The following TCF7L2 variants were observed in gnomAD, a reference collection of about 807,000 sequenced individuals.
TCF7L2 encodes the protein transcription factor 7 like 2, also known as transcription factor 7-like 2.
In TCF7L2, 23 loss-of-function variants were observed where a neutral mutation model predicts 77.9. The ratio of observed to expected loss-of-function variants is 0.30; its 90% CI spans 0.21 to 0.42. TCF7L2 has a LOEUF of 0.42. Ranked by LOEUF, TCF7L2 falls within the 10% of genes least tolerant of loss-of-function variation. The pLI, the probability that TCF7L2 is intolerant of heterozygous loss-of-function variation, is 1.00. For missense variants in TCF7L2, 654 were observed against 793.1 expected (o/e 0.82, Z 2.11); for synonymous variants, 413 against 340.2 (o/e 1.21, Z -2.36).
At chr10:112,979,756 A>AAAAAAAAAT (rs144360168) in intron 4 of TCF7L2, among the ~76,000 whole-genome samples, 3 of 141,212 alleles carry the variant, frequency 2.1e-5, no homozygotes, top group Admixed American at 7.2e-5. Context: ...ACCCTGTCTC[A>AAAAAAAAAT]AAAAAAAATA....
rs763222342 is a variant in TCF7L2, at chr10:113,141,320, G to A, written c.685+4G>A. On this transcript the variant is annotated splice_donor_region_variant and intron_variant, in intron 6 of 13. Coordinates refer to ENST00000627217, the MANE Select transcript of TCF7L2 (RefSeq NM_001146274.2). The stretch of plus-strand genomic sequence containing the variant: ...GCCGACGTAGACCCCAAAACAGGTA[G>A]GCTGTGGGCTACGGAGCCAAGGTAG... 2 of 1,614,032 alleles carry A rather than the reference G, an allele frequency of 1.2e-6. No individual in the cohort carries two copies.
chr10:113,071,847 C>T (rs928140809), intron 5 of TCF7L2, among the ~76,000 whole-genome samples: 2 of 152,186 alleles, frequency 1.3e-5, no homozygotes, highest in African/African-American at 4.8e-5. Flanking sequence ...GGAGGACTCC[C>T]CCCCACCCCC....
At chr10:112,989,732 G>A (rs781350988) in intron 4 of TCF7L2, among the ~76,000 whole-genome samples, 6 of 152,156 alleles carry the variant, frequency 3.9e-5, no homozygotes, top group Non-Finnish European at 8.8e-5. Context: ...TTAAAACACA[G>A]CAGCGTGATA....
intron 5 of TCF7L2, among the ~76,000 whole-genome samples, chr10:113,052,649 T>C (rs539306231): frequency 1.3e-5 from 2 of 152,348 alleles, no homozygotes; most frequent in Non-Finnish European, 2.9e-5. Context: ...ACTTTGTTCC[T>C]CCCATGGCTG....
rs1408121369 is a variant in TCF7L2, at chr10:113,019,778, C to T, written c.451-20247C>T. ...TATATTGATTTTTCAGGTGTGCAGG[C>T]GGTCACATGAACAGCTGACATTTTT... On this transcript the variant is annotated intron_variant, in intron 4 of 13. Transcript: ENST00000627217. Among the ~76,000 whole-genome samples, 8 of 142,958 alleles carry T rather than the reference C, an allele frequency of 5.6e-5. No homozygotes were observed. In the East Asian group the frequency reaches 1.2e-3, roughly 21 times the overall value. 93.8% of individuals were successfully genotyped at this position (142,958 alleles called of 152,430 possible). A position where few individuals can be genotyped will look rare whatever the true frequency, so the allele number is the denominator to read the frequency against.
intron 4 of TCF7L2, among the ~76,000 whole-genome samples, chr10:112,967,776 C>T (rs964151987): frequency 2.0e-5 from 3 of 152,084 alleles, no homozygotes; most frequent in Non-Finnish European, 2.9e-5. Flanking sequence ...GCTGGGATTA[C>T]AGGCATGTGC....
intron 5 of TCF7L2, among the ~76,000 whole-genome samples, chr10:113,080,674 AT>A (rs945380448): frequency 3.9e-5 from 6 of 152,162 alleles, no homozygotes; most frequent in Non-Finnish European, 5.9e-5. Flanking sequence ...AATTTCGTAC[AT>A]TTTTATGCAA....
intron 5 of TCF7L2, among the ~76,000 whole-genome samples, chr10:113,099,502 A>G (rs1251748567): frequency 3.9e-5 from 6 of 152,174 alleles, no homozygotes; most frequent in South Asian, 2.1e-4. Flanking sequence ...AAGCTGCTAC[A>G]TGCACGGGAA....
In TCF7L2 at chr10:113,000,821, C is replaced by T. The variant is rs190394307; in HGVS notation, c.450+36197C>T. ...ATCGGATTTACTGCACTATTCCAGT[C>T]GGACAGGCACCTTAATTTTTCTCTT... On this transcript the variant is annotated intron_variant, in intron 4 of 13. Transcript: ENST00000627217. 3.3e-5 allele frequency among the ~76,000 whole-genome samples: 5 copies of T among 152,252 alleles called. No homozygotes were observed. In the East Asian group the frequency reaches 5.8e-4, roughly 18 times the overall value.
chr10:113,075,241 C>G (rs1354528320), intron 5 of TCF7L2, among the ~76,000 whole-genome samples: 2 of 152,082 alleles, frequency 1.3e-5, no homozygotes, highest in African/African-American at 4.8e-5. Context: ...GGCAGATCAC[C>G]TGAGGTCAGG....
chr10:113,060,818 A>G (rs2056317244), intron 5 of TCF7L2, among the ~76,000 whole-genome samples: 1 of 152,106 alleles, frequency 6.6e-6, no homozygotes, highest in Non-Finnish European at 1.5e-5. Context: ...GACGCCGCCC[A>G]GAATGGCTGG....
At chr10:113,150,974 T>C (rs1291937034) in intron 8 of TCF7L2, 24 bp from the exon 9 acceptor site, 3 of 1,613,926 alleles carry the variant, frequency 1.9e-6, no homozygotes, top group Admixed American at 3.3e-5. Context: ...ATTCTGACGA[T>C]TTACACAGCT....
chr10:113,000,938 C>T (rs1389856300), intron 4 of TCF7L2, among the ~76,000 whole-genome samples: 2 of 152,228 alleles, frequency 1.3e-5, no homozygotes, highest in East Asian at 3.8e-4. Flanking sequence ...CCTTCCACTG[C>T]AGTCTCTAAG....
chr10:112,976,129 G>A (rs2039376354), intron 4 of TCF7L2, among the ~76,000 whole-genome samples: 1 of 152,158 alleles, frequency 6.6e-6, no homozygotes, highest in Non-Finnish European at 1.5e-5. Context: ...GGCAGTACCT[G>A]TTTCTAGAGT....
At chr10:113,121,899 C>T (rs189164582) in intron 5 of TCF7L2, among the ~76,000 whole-genome samples, 50 of 152,280 alleles carry the variant, frequency 3.3e-4, no homozygotes, top group Non-Finnish European at 4.0e-4. Context: ...GGGGAAAACA[C>T]GTTGCCATAT....
chr10:113,158,565 C>T, intron 12 of TCF7L2, 102 bp from the exon 13 acceptor site: 1 of 1,129,462 alleles, frequency 8.9e-7, no homozygotes, highest in Non-Finnish European at 1.3e-6. Context: ...ATTAGAAATA[C>T]TGCATAGGCA....
At chr10:113,075,288 A>C (rs911744104) in intron 5 of TCF7L2, among the ~76,000 whole-genome samples, 9 of 151,838 alleles carry the variant, frequency 5.9e-5, no homozygotes, top group African/African-American at 2.2e-4. Context: ...GTGAAACCCT[A>C]TCTCTACTAA....
At chr10:113,030,745 C>T (rs2050071492) in intron 4 of TCF7L2, among the ~76,000 whole-genome samples, 1 of 152,196 alleles carries the variant, frequency 6.6e-6, no homozygotes, top group African/African-American at 2.4e-5. Context: ...GCAAGGGCTG[C>T]TCCTTTTGAA....
intron 13 of TCF7L2, chr10:113,161,422 A>G (rs1175791263): frequency 4.1e-6 from 3 of 734,024 alleles, no homozygotes; most frequent in South Asian, 1.7e-5. Context: ...TTAAGCACCC[A>G]TGTTCCACCT....
Sources: gnomAD v4.1 joint callset for allele counts (sites outside exome capture counted in the v4.1 genomes callset) on GRCh38, gnomAD v4.1.1 for gene constraint, MANE v1.5 for transcripts, NCBI Gene and HGNC (gene_info 2026-07-23, HGNC 2026-07-21) for gene names.